The following GABRG3 variants were observed in gnomAD, a reference collection of about 807,000 sequenced individuals.
GABRG3 encodes gamma-aminobutyric acid type A receptor subunit gamma3.
In GABRG3, 25 loss-of-function variants were observed where a neutral mutation model predicts 48.8. That is an observed-to-expected ratio of 0.51 (90% CI 0.37 to 0.72). GABRG3 has a LOEUF of 0.72. Among genes scored for constraint, GABRG3 ranks in the 30% least tolerant of loss-of-function variants. The pLI is 0.00. For synonymous variants in GABRG3, 227 were observed against 217.6 expected (o/e 1.04, Z -0.38); for missense variants, 394 against 577.9 (o/e 0.68, Z 3.26).
intron 5 of GABRG3, among the ~76,000 whole-genome samples, chr15:27,419,633 C>T (rs1168563914): frequency 6.6e-6 from 1 of 152,184 alleles, no homozygotes; most frequent in Non-Finnish European, 1.5e-5. Context: ...ATCATGAACA[C>T]CACATGGGCA....
intron 3 of GABRG3, among the ~76,000 whole-genome samples, chr15:27,148,318 G>C (rs1235404308): frequency 1.3e-5 from 2 of 151,850 alleles, no homozygotes; most frequent in Non-Finnish European, 2.9e-5. Flanking sequence ...AATCTAAAAA[G>C]CCTCATAACA....
chr15:27,397,597 T>C (rs1002978239), intron 5 of GABRG3, among the ~76,000 whole-genome samples: 1 of 152,156 alleles, frequency 6.6e-6, no homozygotes, highest in African/African-American at 2.4e-5. Context: ...TTCACATTGC[T>C]CTGAAATTTG....
At chr15:27,216,399 G>T (rs1199365624) in intron 3 of GABRG3, among the ~76,000 whole-genome samples, 1 of 152,178 alleles carries the variant, frequency 6.6e-6, no homozygotes, top group Admixed American at 6.5e-5. Context: ...CTGCACACAG[G>T]GTTCACTCTG....
At chr15:27,094,187 C>T (rs978852359) in intron 3 of GABRG3, among the ~76,000 whole-genome samples, 2 of 152,170 alleles carry the variant, frequency 1.3e-5, no homozygotes, top group Admixed American at 6.5e-5. Context: ...CAGGTGCTTG[C>T]CTTTTCCATT....
chr15:27,001,886 C>A (rs957748621), intron 2 of GABRG3, among the ~76,000 whole-genome samples: 1 of 52,912 alleles, frequency 1.9e-5, no homozygotes, highest in South Asian at 6.6e-4. Context: ...TCCCATAACT[C>A]AGTTTTTTTT....
Position 27,538,618 on chromosome 15 carries a change from C to T in GABRG3, c.*5737C>T, listed in dbSNP as rs529168133. On this transcript the variant is annotated 3_prime_UTR_variant, in exon 10 of 10. Coordinates refer to ENST00000615808, the MANE Select transcript of GABRG3 (RefSeq NM_033223.5). ...ATGGTTCCTGCAGGGAAGCCAGAGC[C>T]TCTATGTCTGCCGAACAGTTTAAAT... The T allele has an allele frequency of 6.6e-6, 1 of 152,310 alleles. No homozygotes were observed. The highest frequency in any genetic ancestry group is 2.4e-5 in the African/African-American group (1 of 41,570). 9.4% of individuals were successfully genotyped at this position (152,310 alleles called of 1,614,324 possible).
In GABRG3 at chr15:27,323,944, G is replaced by A. The variant is rs374403633; in HGVS notation, c.271-2865G>A. Reference sequence around the variant, plus strand: ...CACATGGGCTCTTCCAGGGCCCTCCGAGGAGTGGCACATACCACTCTGCTT... The same window carrying A: ...CACATGGGCTCTTCCAGGGCCCTCCAAGGAGTGGCACATACCACTCTGCTT... On this transcript the variant is annotated intron_variant, in intron 3 of 9. Transcript: ENST00000615808. 1.6e-4 allele frequency among the ~76,000 whole-genome samples: 24 copies of A among 152,266 alleles called. No homozygotes were observed. The South Asian group carries it at 5.0e-3, about 32-fold the overall frequency.
intron 3 of GABRG3, among the ~76,000 whole-genome samples, chr15:27,324,539 G>A (rs1212234905): frequency 6.6e-6 from 1 of 152,180 alleles, no homozygotes; most frequent in South Asian, 2.1e-4. Flanking sequence ...CCATGGTAAA[G>A]TGGGCATTGG....
At chr15:27,230,443 C>A (rs1889761921) in intron 3 of GABRG3, among the ~76,000 whole-genome samples, 2 of 152,156 alleles carry the variant, frequency 1.3e-5, no homozygotes, top group Non-Finnish European at 1.5e-5. Flanking sequence ...CCTCAGAGGG[C>A]ACAATTAATT....
intron 3 of GABRG3, among the ~76,000 whole-genome samples, chr15:27,166,916 G>T (rs556529116): frequency 1.2e-3 from 190 of 152,236 alleles, no homozygotes; most frequent in African/African-American, 4.2e-3. Flanking sequence ...AGGACTTCAT[G>T]TTGCAACAAG....
chr15:27,141,901 A>G lies in GABRG3; in HGVS notation c.270+115080A>G, dbSNP rs1391886642. ...TCTGCTGTGTGCTCACCCATCTCTC[A>G]TCTGTCTTTGCCATTGCTTTCTGTC... On this transcript the variant is annotated intron_variant, in intron 3 of 9. Coordinates refer to ENST00000615808, the MANE Select transcript of GABRG3 (RefSeq NM_033223.5). Among the ~76,000 whole-genome samples the G allele has an allele frequency of 3.3e-5, 5 of 151,958 alleles. No individual in the cohort carries two copies. In the East Asian group the frequency reaches 9.7e-4, roughly 29 times the overall value.
intron 5 of GABRG3, among the ~76,000 whole-genome samples, chr15:27,397,851 C>T (rs564185242): frequency 1.9e-4 from 28 of 147,418 alleles, no homozygotes; most frequent in African/African-American, 6.8e-4. Context: ...GTGGCCCAGG[C>T]TGCAGTGCAG....
chr15:27,087,013 A>G (rs186652300), intron 3 of GABRG3, among the ~76,000 whole-genome samples: 11 of 152,286 alleles, frequency 7.2e-5, no homozygotes, highest in Non-Finnish European at 1.0e-4. Flanking sequence ...GCAGTGCCCA[A>G]ATCACATCTT....
At chr15:27,078,797 G>A (rs1896949134) in intron 3 of GABRG3, among the ~76,000 whole-genome samples, 1 of 152,232 alleles carries the variant, frequency 6.6e-6, no homozygotes, top group East Asian at 1.9e-4. Context: ...GTCAGTGTTG[G>A]GTTGGATGCT....
At chr15:27,175,075 T>G (rs557512258) in intron 3 of GABRG3, among the ~76,000 whole-genome samples, 2 of 152,152 alleles carry the variant, frequency 1.3e-5, no homozygotes, top group African/African-American at 4.8e-5. Context: ...GGGGACCTTC[T>G]TCTGGGGATG....
chr15:27,120,827 CAGCCTGAGATTAT>C (rs1897718483), intron 3 of GABRG3, among the ~76,000 whole-genome samples: 1 of 152,134 alleles, frequency 6.6e-6, no homozygotes, highest in African/African-American at 2.4e-5. Flanking sequence ...GGGTCAAAGG[CAGCCTGAGATTAT>C]AGCTCCATTG....
chr15:27,158,015 A>G (rs1898477895), intron 3 of GABRG3: 1 of 152,212 alleles, frequency 6.6e-6, no homozygotes, highest in African/African-American at 2.4e-5. Context: ...CACTTCTAGT[A>G]CGCAGGCTCT....
At chr15:27,158,124 C>G (rs1898482411) in intron 3 of GABRG3, 1 of 151,938 alleles carries the variant, frequency 6.6e-6, no homozygotes, top group African/African-American at 2.4e-5. Flanking sequence ...GTGGGAGGAA[C>G]TTCAGGGATG....
intron 3 of GABRG3, among the ~76,000 whole-genome samples, chr15:27,171,258 T>C (rs1353296801): frequency 6.6e-6 from 1 of 152,194 alleles, no homozygotes; most frequent in Admixed American, 6.5e-5. Context: ...AAATGAATTA[T>C]AGCTTTGAAT....
Sources: allele counts gnomAD v4.1 joint callset (sites outside exome capture counted in the v4.1 genomes callset), GRCh38; gene constraint gnomAD v4.1.1; transcripts MANE v1.5; gene names NCBI Gene and HGNC (gene_info 2026-07-23, HGNC 2026-07-21).